Variants in SLMAP observed in about 807,000 individuals in gnomAD.
SLMAP encodes the protein sarcolemmal membrane-associated protein.
SLMAP carries 44 observed loss-of-function variants against 128.8 expected under a neutral mutation model. The ratio of observed to expected loss-of-function variants is 0.34; its 90% CI spans 0.27 to 0.44. The LOEUF (loss-of-function observed/expected upper bound fraction) is 0.44, where lower values mean the gene tolerates loss of function less well. Among genes scored for constraint, SLMAP ranks in the 20% least tolerant of loss-of-function variants. SLMAP has a pLI of 1.00. For missense variants in SLMAP, 787 were observed against 985.3 expected (o/e 0.80, Z 2.69); for synonymous variants, 327 against 348.8 (o/e 0.94, Z 0.70).
intron 6 of SLMAP, among the ~76,000 whole-genome samples, chr3:57,856,360 G>A (rs1336821941): frequency 2.0e-5 from 3 of 152,198 alleles, no homozygotes; most frequent in South Asian, 2.1e-4. Flanking sequence ...ACACAAACAC[G>A]TAGTACAACT....
In SLMAP at chr3:57,781,729, A is replaced by ATTTTT. The variant is rs748021832; in HGVS notation, c.198+23897_198+23901dup. ...ATTCTAAGTAAATAAATATTGACTG[A>ATTTTT]TTTTTTTTTTTTTTTTTTTTTGAGA... On this transcript the variant is annotated intron_variant, in intron 2 of 24. Transcript: ENST00000671191. 1.7e-3 allele frequency among the ~76,000 whole-genome samples: 187 copies of ATTTTT among 109,128 alleles called. 1 individual carries two copies. Among genetic ancestry groups the ATTTTT allele is most frequent in the Middle Eastern group, 0.012 (2 of 162 alleles). 71.6% of individuals were successfully genotyped at this position (109,128 alleles called of 152,430 possible). A position where few individuals can be genotyped will look rare whatever the true frequency, so the allele number is the denominator to read the frequency against.
At chr3:57,767,780 G>A (rs77340367) in intron 2 of SLMAP, among the ~76,000 whole-genome samples, 27,099 of 152,036 alleles carry the variant, frequency 0.18, 2,737 homozygotes, top group East Asian at 0.43. Context: ...CCCCCAAAAT[G>A]AAAGCCAACT....
At chr3:57,884,300 T>A (rs530084101) in intron 14 of SLMAP, among the ~76,000 whole-genome samples, 164 of 152,240 alleles carry the variant, frequency 1.1e-3, no homozygotes, top group Non-Finnish European at 1.8e-3. Context: ...GAAGGTTTGC[T>A]CTCTGGAGGC....
In SLMAP at chr3:57,787,629, C is replaced by T. The variant is rs111356401; in HGVS notation, c.198+29780C>T. On this transcript the variant is annotated intron_variant, in intron 2 of 24. Transcript: ENST00000671191. The stretch of plus-strand genomic sequence containing the variant: ...GAGCTGGGATTACAGGCATGCGCCA[C>T]GATACCCAGCTAATTTTTGTATTTT... 3.3e-3 allele frequency among the ~76,000 whole-genome samples: 506 copies of T among 152,286 alleles called. 3 individuals are homozygous for T. The highest frequency in any genetic ancestry group is 0.011 in the African/African-American group (470 of 41,548).
At position 57,761,263 on chromosome 3, in the gene SLMAP, A is replaced by G. The variant is rs192091905; in HGVS notation, c.198+3414A>G. Among the ~76,000 whole-genome samples, 185 of 152,040 alleles carry G rather than the reference A, an allele frequency of 1.2e-3. 1 individual carries two copies. The highest frequency in any genetic ancestry group is 6.8e-3 in the Middle Eastern group (2 of 294). The stretch of plus-strand genomic sequence containing the variant: ...ATGAGAAATTATTTTCTTTAATGTG[A>G]TGGCATATATAGAATAAATTTTGTT... On this transcript the variant is annotated intron_variant, in intron 2 of 24. Coordinates refer to ENST00000671191, the MANE Select transcript of SLMAP (RefSeq NM_001377540.1).
chr3:57,762,710 GTT>G (rs752054975), intron 2 of SLMAP, among the ~76,000 whole-genome samples: 4 of 107,778 alleles, frequency 3.7e-5, no homozygotes, highest in Non-Finnish European at 5.6e-5. Context: ...TAGTAGAATG[GTT>G]TTTTTTTTTT....
intron 3 of SLMAP, among the ~76,000 whole-genome samples, chr3:57,836,719 T>A (rs1175373278): frequency 6.6e-6 from 1 of 152,230 alleles, no homozygotes; most frequent in Non-Finnish European, 1.5e-5. Flanking sequence ...ACACATAAGC[T>A]GCTCTATACT....
intron 14 of SLMAP, among the ~76,000 whole-genome samples, chr3:57,885,570 C>T (rs1203929935): frequency 6.7e-6 from 1 of 148,922 alleles, no homozygotes; most frequent in Non-Finnish European, 1.5e-5. Flanking sequence ...CAGGCACCCA[C>T]CACCACGACT....
At chr3:57,818,525 T>A (rs1282815036) in intron 2 of SLMAP, among the ~76,000 whole-genome samples, 1 of 152,202 alleles carries the variant, frequency 6.6e-6, no homozygotes, top group African/African-American at 2.4e-5. Flanking sequence ...TTATATAGAT[T>A]AAGTGAAAAA....
chr3:57,805,707 A>G (rs997608407), intron 2 of SLMAP, among the ~76,000 whole-genome samples: 1 of 152,146 alleles, frequency 6.6e-6, no homozygotes, highest in Non-Finnish European at 1.5e-5. Context: ...CAAGTTCTCT[A>G]TATGATAAAG....
At chr3:57,899,252 A>G (rs2096310796) in intron 17 of SLMAP, 1 of 152,216 alleles carries the variant, frequency 6.6e-6, no homozygotes, top group Non-Finnish European at 1.5e-5. Flanking sequence ...CTCACAATAT[A>G]GCCTGGGAAG....
intron 2 of SLMAP, 59 bp downstream of exon 2, chr3:57,757,908 C>T (rs2077881740): frequency 6.7e-7 from 1 of 1,487,524 alleles, no homozygotes; most frequent in South Asian, 1.2e-5. Flanking sequence ...CCCTTTTGCC[C>T]TCCCTGAGAG....
chr3:57,803,608 G>A (rs1418618472), intron 2 of SLMAP, among the ~76,000 whole-genome samples: 2 of 152,154 alleles, frequency 1.3e-5, no homozygotes, highest in East Asian at 3.8e-4. Context: ...TAAACCAAAA[G>A]ATAAAACAGT....
intron 2 of SLMAP, among the ~76,000 whole-genome samples, chr3:57,774,379 A>G (rs2081411122): frequency 6.6e-6 from 1 of 152,192 alleles, no homozygotes; most frequent in Non-Finnish European, 1.5e-5. Context: ...AAAGTACTTC[A>G]AACATTAGGT....
chr3:57,764,361 G>C (rs114111194), intron 2 of SLMAP, among the ~76,000 whole-genome samples: 1,925 of 152,192 alleles, frequency 0.013, 28 homozygotes, highest in African/African-American at 0.044. Flanking sequence ...AATTAACCAA[G>C]TGTGGTGGCA....
Position 57,915,856 on chromosome 3 carries a change from C to T in SLMAP, c.2139-1050C>T, listed in dbSNP as rs183408613. ...TTGTAAGTCAGATTTTTTTTAACAT[C>T]CAGTTATAAAAGTGATCATAGAGAC... is the stretch of plus-strand genomic sequence containing the variant. On this transcript the variant is annotated intron_variant, in intron 21 of 24. Transcript: ENST00000671191. Among the ~76,000 whole-genome samples, 825 of 152,064 alleles carry T rather than the reference C, an allele frequency of 5.4e-3. 2 individuals are homozygous for T. Among genetic ancestry groups the T allele is most frequent in the Non-Finnish European group, 9.1e-3 (622 of 67,980 alleles).
intron 4 of SLMAP, among the ~76,000 whole-genome samples, chr3:57,846,554 ATT>A (rs1161889766): frequency 4.0e-4 from 54 of 135,978 alleles, no homozygotes; most frequent in African/African-American, 5.2e-4. Flanking sequence ...AAAATGGATA[ATT>A]TTTTTTTTTT....
intron 4 of SLMAP, among the ~76,000 whole-genome samples, chr3:57,845,951 C>G (rs1224176605): frequency 1.3e-5 from 2 of 151,880 alleles, no homozygotes; most frequent in African/African-American, 4.8e-5. Context: ...AAGTGATTCT[C>G]CCACCTCAGC....
chr3:57,806,704 T>C (rs2089959589), intron 2 of SLMAP, among the ~76,000 whole-genome samples: 1 of 152,026 alleles, frequency 6.6e-6, no homozygotes, highest in African/African-American at 2.4e-5. Context: ...CCTCCCAAAG[T>C]GCAGGGACCA....
Sources: allele counts gnomAD v4.1 joint callset (sites outside exome capture counted in the v4.1 genomes callset), GRCh38; gene constraint gnomAD v4.1.1; transcripts MANE v1.5; gene names NCBI Gene and HGNC (gene_info 2026-07-23, HGNC 2026-07-21).